The following PREX2 variants were observed in gnomAD, a reference collection of about 807,000 sequenced individuals.
PREX2 encodes the protein phosphatidylinositol-3,4,5-trisphosphate dependent Rac exchange factor 2.
In PREX2, 107 loss-of-function variants were observed where a neutral mutation model predicts 203.2. The ratio of observed to expected loss-of-function variants is 0.53; its 90% CI spans 0.45 to 0.62. PREX2 has a LOEUF of 0.62. Among genes scored for constraint, PREX2 ranks in the 20% least tolerant of loss-of-function variants. The probability of loss-of-function intolerance (pLI) is 0.00; values close to 1 mark genes in which losing one functional copy is unlikely to be tolerated. For missense variants in PREX2, 1,777 were observed against 1,955.9 expected (o/e 0.91, Z 1.72); for synonymous variants, 672 against 663.6 (o/e 1.01, Z -0.19).
At chr8:68,097,999 C>T (rs545257586) in intron 22 of PREX2, among the ~76,000 whole-genome samples, 2 of 152,268 alleles carry the variant, frequency 1.3e-5, no homozygotes, top group South Asian at 4.1e-4. Flanking sequence ...ATGTAATTCT[C>T]ATTTGGAAAG....
chr8:68,086,524 A>G (rs1226677937), intron 18 of PREX2, among the ~76,000 whole-genome samples: 2 of 152,198 alleles, frequency 1.3e-5, no homozygotes, highest in Non-Finnish European at 2.9e-5. Context: ...AGGGCTATCT[A>G]TCACAATTTA....
chr8:68,092,462 A>G (rs981010091), intron 20 of PREX2, among the ~76,000 whole-genome samples: 1 of 152,222 alleles, frequency 6.6e-6, no homozygotes. Flanking sequence ...TTAACATCTT[A>G]TCTAGAAAAT....
chr8:68,208,626 A>G (rs111735706), intron 37 of PREX2, among the ~76,000 whole-genome samples: 4 of 152,278 alleles, frequency 2.6e-5, no homozygotes, highest in African/African-American at 9.6e-5. Flanking sequence ...AGAGGTAAAA[A>G]GCATTTGGAA....
intron 21 of PREX2, among the ~76,000 whole-genome samples, 185 bp downstream of exon 21, chr8:68,093,907 C>T (rs576757336): frequency 5.3e-5 from 8 of 152,222 alleles, no homozygotes; most frequent in African/African-American, 1.9e-4. Context: ...ATTTGTTAGG[C>T]ATTTTATGAA....
chr8:68,119,570 T>C, intron 28 of PREX2, 56 bp downstream of exon 28: 3 of 1,253,130 alleles, frequency 2.4e-6, no homozygotes, highest in Non-Finnish European at 3.5e-6. Flanking sequence ...GAGGAGTCCC[T>C]TTTTCATATG....
chr8:68,167,434 A>G (rs1432682896), intron 35 of PREX2, among the ~76,000 whole-genome samples: 10 of 151,658 alleles, frequency 6.6e-5, no homozygotes, highest in Non-Finnish European at 1.5e-5. Context: ...CCCAGGTTCA[A>G]GCTATTCTCC....
intron 13 of PREX2, among the ~76,000 whole-genome samples, chr8:68,072,076 G>A (rs1415494794): frequency 6.6e-6 from 1 of 152,070 alleles, no homozygotes; most frequent in Non-Finnish European, 1.5e-5. Flanking sequence ...AACCAATTTT[G>A]CCATAGGCTA....
intron 6 of PREX2, among the ~76,000 whole-genome samples, chr8:68,032,459 A>G (rs1807912478): frequency 6.6e-6 from 1 of 152,116 alleles, no homozygotes; most frequent in Non-Finnish European, 1.5e-5. Flanking sequence ...AGCCATACAG[A>G]GATTGGGAGT....
At chr8:68,222,565 C>T (rs930221508) in intron 38 of PREX2, among the ~76,000 whole-genome samples, 1 of 151,638 alleles carries the variant, frequency 6.6e-6, no homozygotes, top group African/African-American at 2.4e-5. Context: ...CTCTTTTTAA[C>T]AGAATTCCAG....
chr8:68,212,005 A>G (rs1410487427), intron 37 of PREX2, among the ~76,000 whole-genome samples: 1 of 152,180 alleles, frequency 6.6e-6, no homozygotes, highest in East Asian at 1.9e-4. Flanking sequence ...TAATGTAAAT[A>G]TAGAAATTGT....
At chr8:67,971,659 T>C (rs1225018466) in intron 1 of PREX2, among the ~76,000 whole-genome samples, 2 of 152,074 alleles carry the variant, frequency 1.3e-5, no homozygotes, top group African/African-American at 4.8e-5. Context: ...TAAAAAGAAA[T>C]GAAATTAGCT....
intron 34 of PREX2, 130 bp from the exon 35 acceptor site, chr8:68,157,192 T>C: frequency 2.1e-6 from 1 of 469,774 alleles, no homozygotes; most frequent in Non-Finnish European, 3.9e-6. Context: ...GGACCTAACA[T>C]AGTTTTTTTG....
chr8:68,205,671 C>T (rs928408256), intron 37 of PREX2, among the ~76,000 whole-genome samples: 2 of 152,184 alleles, frequency 1.3e-5, no homozygotes, highest in Admixed American at 6.5e-5. Context: ...TTTCTTCAAT[C>T]AGGTGCTTCA....
chr8:68,167,521 C>T (rs1480545867), intron 35 of PREX2, among the ~76,000 whole-genome samples: 5 of 151,852 alleles, frequency 3.3e-5, no homozygotes, highest in Admixed American at 1.3e-4. Flanking sequence ...TTGGTAGAGA[C>T]GGAGTTTCAC....
intron 21 of PREX2, among the ~76,000 whole-genome samples, chr8:68,095,555 G>GTA: frequency 7.1e-6 from 1 of 140,214 alleles, no homozygotes; most frequent in Non-Finnish European, 1.5e-5. Flanking sequence ...GTGTGTGTGT[G>GTA]TGTATCTATG....
At chr8:68,069,733 AT>A in intron 12 of PREX2, 101 bp from the exon 13 acceptor site, 1 of 577,262 alleles carries the variant, frequency 1.7e-6, no homozygotes, top group Non-Finnish European at 3.1e-6. Context: ...TTTTGTGATG[AT>A]TCTAAAATAT....
intron 1 of PREX2, among the ~76,000 whole-genome samples, chr8:67,958,553 T>C (rs1805550037): frequency 6.6e-6 from 1 of 152,192 alleles, no homozygotes; most frequent in African/African-American, 2.4e-5. Flanking sequence ...GGAACAAAGA[T>C]TGAAGTCTAG....
intron 7 of PREX2, among the ~76,000 whole-genome samples, chr8:68,038,550 G>T (rs1808101913): frequency 6.6e-6 from 1 of 152,120 alleles, no homozygotes; most frequent in South Asian, 2.1e-4. Context: ...TTGAGGAGAG[G>T]TGCGGTTTGT....
At chr8:67,968,842 GT>G (rs762446193) in intron 1 of PREX2, among the ~76,000 whole-genome samples, 52 of 152,270 alleles carry the variant, frequency 3.4e-4, no homozygotes, top group Admixed American at 5.2e-4. Flanking sequence ...CCTAATAGCC[GT>G]TGTACCAAAC....
Sources: gnomAD v4.1 joint callset for allele counts (sites outside exome capture counted in the v4.1 genomes callset) on GRCh38, gnomAD v4.1.1 for gene constraint, MANE v1.5 for transcripts, NCBI Gene and HGNC (gene_info 2026-07-23, HGNC 2026-07-21) for gene names.